Variants in BCO2 observed in about 807,000 individuals in gnomAD.
BCO2 encodes carotenoid-cleaving dioxygenase, mitochondrial.
A neutral mutation model predicts 65.8 loss-of-function variants in BCO2; 56 were observed. The ratio of observed to expected loss-of-function variants is 0.85; its 90% CI spans 0.69 to 1.06. BCO2 has a LOEUF of 1.06. Ranked by LOEUF, BCO2 falls within the 50% of genes least tolerant of loss-of-function variation. The probability of loss-of-function intolerance (pLI) is 0.00; values close to 1 mark genes in which losing one functional copy is unlikely to be tolerated. For missense variants in BCO2, 675 were observed against 698.5 expected (o/e 0.97, Z 0.38); for synonymous variants, 233 against 242.3 (o/e 0.96, Z 0.36).
chr11:112,203,013 G>GCAC (rs1867774725), intron 8 of BCO2, among the ~76,000 whole-genome samples: 1 of 143,390 alleles, frequency 7.0e-6, no homozygotes, highest in Non-Finnish European at 1.5e-5. Flanking sequence ...TCGCACCACT[G>GCAC]CACCCCAGCC....
rs144988024 is a variant in BCO2, at chr11:112,218,178, G to A, written c.*304G>A. ...CAAAAGACAGAGCATAAAGGGCACC[G>A]TACCTCCCAAACCAATGTCCCAAAT... On this transcript the variant is annotated 3_prime_UTR_variant, in exon 12 of 12. Coordinates refer to ENST00000357685, the MANE Select transcript of BCO2 (RefSeq NM_031938.7). The A allele has an allele frequency of 1.5e-3, 327 of 212,222 alleles. 2 individuals are homozygous for A. The highest frequency in any genetic ancestry group is 7.0e-3 in the African/African-American group (304 of 43,536). The allele number at this position is 212,222 out of a possible 1,614,324, so 13.1% of individuals were successfully genotyped here.
chr11:112,208,971 C>G (rs1859429866), intron 8 of BCO2: 1 of 153,562 alleles, frequency 6.5e-6, no homozygotes. Context: ...AAAAAATAGA[C>G]TGTTTTTTAG....
chr11:112,199,409 GGCT>G (rs2135378452), intron 5 of BCO2, among the ~76,000 whole-genome samples: 1 of 152,246 alleles, frequency 6.6e-6, no homozygotes, highest in East Asian at 1.9e-4. Flanking sequence ...AACAGTGCTT[GGCT>G]GCTATCTTAA....
At chr11:112,175,799 C>T in intron 1 of BCO2, 110 bp downstream of exon 1, 1 of 914,476 alleles carries the variant, frequency 1.1e-6, no homozygotes, top group Non-Finnish European at 1.8e-6. Flanking sequence ...AGCTTTGTGT[C>T]CTGTGTGGCT....
chr11:112,208,154 G>A (rs1859400441), intron 8 of BCO2, among the ~76,000 whole-genome samples: 1 of 151,968 alleles, frequency 6.6e-6, no homozygotes, highest in African/African-American at 2.4e-5. Context: ...TAGAGATGGG[G>A]TTTCACCATG....
chr11:112,187,411 A>G (rs532635166), intron 2 of BCO2, among the ~76,000 whole-genome samples: 1 of 151,572 alleles, frequency 6.6e-6, no homozygotes, highest in South Asian at 2.1e-4. Context: ...TTGCTGATTG[A>G]TTCAATTACA....
chr11:112,215,561 TA>T (rs1859646935), intron 10 of BCO2: 1 of 153,422 alleles, frequency 6.5e-6, no homozygotes, highest in African/African-American at 2.4e-5. Context: ...ATACAAAAAT[TA>T]GCTGGGCGTG....
chr11:112,211,406 T>C (rs933598700), intron 8 of BCO2, among the ~76,000 whole-genome samples: 1 of 152,128 alleles, frequency 6.6e-6, no homozygotes, highest in African/African-American at 2.4e-5. Flanking sequence ...ATCTTTGGAG[T>C]ATTATGAATA....
chr11:112,189,406 T>G (rs1336470095), intron 2 of BCO2, among the ~76,000 whole-genome samples: 15,656 of 144,500 alleles, frequency 0.11, 839 homozygotes, highest in Middle Eastern at 0.18. Flanking sequence ...AAAAGGAAAT[T>G]TTTTTTTTTT....
intron 5 of BCO2, among the ~76,000 whole-genome samples, chr11:112,197,153 G>A (rs1199599065): frequency 6.6e-6 from 1 of 152,172 alleles, no homozygotes; most frequent in African/African-American, 2.4e-5. Context: ...CTTAAGATGA[G>A]TCTTCCCCAT....
intron 5 of BCO2, among the ~76,000 whole-genome samples, chr11:112,198,443 T>C (rs1297646583): frequency 1.3e-5 from 2 of 152,032 alleles, no homozygotes; most frequent in African/African-American, 2.4e-5. Context: ...GTCTGGAATA[T>C]AGTAGGTGCT....
intron 2 of BCO2, chr11:112,181,017 G>C: frequency 6.9e-7 from 1 of 1,439,798 alleles, no homozygotes; most frequent in Non-Finnish European, 9.8e-7. Context: ...CCTCCTGAAG[G>C]ATTGTTAGGA....
At position 112,175,666 on chromosome 11, in the gene BCO2, C is replaced by T. The variant is rs775490373; in HGVS notation, c.65C>T (p.Pro22Leu). The change falls in exon 1 of 12, where the codon CCT becomes CTT. Residue 22 changes from proline to leucine, a missense_variant. By Grantham distance (98) the Pro-to-Leu change is moderately conservative. Transcript: ENST00000357685. ...SHSATAVDFL[P>L]VMVHRLPVFK... ...TCTGCCACTGCAGTGGATTTCCTTC[C>T]TGTGATGGTGCACCGGCTCCCAGGT... 20 of 1,613,886 alleles carry T rather than the reference C, an allele frequency of 1.2e-5. No individual in the cohort carries two copies. The Admixed American group carries it at 3.3e-4, about 27-fold the overall frequency.
chr11:112,202,238 A>C, intron 8 of BCO2, 48 bp downstream of exon 8: 1 of 1,524,474 alleles, frequency 6.6e-7, no homozygotes, highest in Non-Finnish European at 8.9e-7. Flanking sequence ...TTTGAACTCC[A>C]AGATCTGGCT....
intron 2 of BCO2, 103 bp downstream of exon 2, chr11:112,179,585 C>A: frequency 9.4e-7 from 1 of 1,062,120 alleles, no homozygotes. Context: ...TATTTCCATT[C>A]CATCCCTTTG....
intron 1 of BCO2, among the ~76,000 whole-genome samples, chr11:112,177,843 C>G (rs1480436821): frequency 6.6e-6 from 1 of 151,794 alleles, no homozygotes; most frequent in East Asian, 1.9e-4. Flanking sequence ...AAATATTACA[C>G]TGTGCTGCCT....
Position 112,214,781 on chromosome 11 carries a change from A to G in BCO2, c.1352A>G (p.Asn451Ser). The change falls in exon 10 of 12, where the codon AAT becomes AGT. Residue 451 changes from asparagine (N) to serine (S), a missense_variant. Transcript: ENST00000357685. ...TTTTAGATCTGGTGCTCTCATGAAA[A>G]TCTACATCAGGAGGACCTAGAAAAG... ...ADGTIWCSHE[N>S]LHQEDLEKEG... 1 of 1,613,618 alleles carries G rather than the reference A, an allele frequency of 6.2e-7. No individual in the cohort carries two copies.
chr11:112,217,741 T>A lies in BCO2; in HGVS notation c.1627-20T>A, dbSNP rs1194938515. ...TTGATGAAAAAAAGATAATTTTCAA[T>A]ATTGTCTTTTCTTTTCTAGAATGAA... On this transcript the variant is annotated intron_variant, in intron 11 of 11. Coordinates refer to ENST00000357685, the MANE Select transcript of BCO2 (RefSeq NM_031938.7). 1 of 1,545,438 alleles carries A rather than the reference T, an allele frequency of 6.5e-7. No individual in the cohort carries two copies. Among genetic ancestry groups the A allele is most frequent in the East Asian group, 2.2e-5 (1 of 44,538 alleles).
rs1375835547 is a variant in BCO2 at position 112,175,547 on chromosome 11, T to C, written c.-55T>C. ...GTGCGTGTTCACTGTTTAGTAGTAC[T>C]CAAAACTGCCAGTGTGAGAGGATTT... On this transcript the variant is annotated 5_prime_UTR_variant, in exon 1 of 12. Coordinates refer to ENST00000357685, the MANE Select transcript of BCO2 (RefSeq NM_031938.7). 2 of 1,346,382 alleles carry C rather than the reference T, an allele frequency of 1.5e-6. No individual in the cohort carries two copies. The highest frequency in any genetic ancestry group is 2.3e-5 in the East Asian group (1 of 43,528). The allele number at this position is 1,346,382 out of a possible 1,614,324, so 83.4% of individuals were successfully genotyped here. A position where few individuals can be genotyped will look rare whatever the true frequency, so the allele number is the denominator to read the frequency against.
Sources: allele counts gnomAD v4.1 joint callset (sites outside exome capture counted in the v4.1 genomes callset), GRCh38; gene constraint gnomAD v4.1.1; transcripts MANE v1.5; gene names NCBI Gene and HGNC (gene_info 2026-07-23, HGNC 2026-07-21).